SYT15B: variants seen among roughly 807,000 people sequenced by gnomAD.
SYT15B encodes synaptotagmin-15.
chr10:47,748,596 TTTC>T, the SYT15B span, among the ~76,000 whole-genome samples: 2 of 152,158 alleles, frequency 1.3e-5, no homozygotes, highest in African/African-American at 2.4e-5. Context: ...GAGGGACACA[TTTC>T]TTCTTTTCTT....
At chr10:47,755,006 G>C in the SYT15B span, among the ~76,000 whole-genome samples, 1 of 131,540 alleles carries the variant, frequency 7.6e-6, no homozygotes. Flanking sequence ...GGACAGGCTG[G>C]AGTGCAGTTG....
At chr10:47,755,356 T>C in the SYT15B span, among the ~76,000 whole-genome samples, 1 of 152,186 alleles carries the variant, frequency 6.6e-6, no homozygotes, top group East Asian at 1.9e-4. Flanking sequence ...CCCAGGCTCA[T>C]GCCATTCTCC....
the SYT15B span, among the ~76,000 whole-genome samples, chr10:47,755,494 A>G: frequency 6.7e-6 from 1 of 148,600 alleles, no homozygotes; most frequent in East Asian, 2.0e-4. Context: ...TGACCTCGTG[A>G]TCTGCCTACC....
the SYT15B span, among the ~76,000 whole-genome samples, chr10:47,746,422 A>G: frequency 1.6e-5 from 1 of 64,268 alleles, no homozygotes; most frequent in Admixed American, 1.7e-4. Context: ...CCTGGGAGGC[A>G]GAGGTTGCGG....
chr10:47,748,905 AT>A, the SYT15B span, among the ~76,000 whole-genome samples: 1 of 139,928 alleles, frequency 7.1e-6, no homozygotes, highest in African/African-American at 2.7e-5. Flanking sequence ...TATTCACAAA[AT>A]ATACTTAAAA....
chr10:47,750,025 TAACAC>T, the SYT15B span, among the ~76,000 whole-genome samples: 1 of 152,018 alleles, frequency 6.6e-6, no homozygotes, highest in African/African-American at 2.4e-5. Flanking sequence ...ATGAGCCTAA[TAACAC>T]AACCTCTAAA....
chr10:47,746,733 C>G, the SYT15B span, among the ~76,000 whole-genome samples: 1 of 132,368 alleles, frequency 7.6e-6, no homozygotes, highest in Non-Finnish European at 1.6e-5. Flanking sequence ...AGCCAACCCA[C>G]AGATGTGTTA....
chr10:47,745,706 A>G, the SYT15B span, among the ~76,000 whole-genome samples: 1 of 137,532 alleles, frequency 7.3e-6, no homozygotes, highest in Admixed American at 7.6e-5. Flanking sequence ...AAATTCCTGA[A>G]GATCCCAGCT....
the SYT15B span, among the ~76,000 whole-genome samples, chr10:47,756,756 C>T: frequency 6.6e-6 from 1 of 152,028 alleles, no homozygotes. Context: ...TGAACCAAGG[C>T]CTCCCCTTCT....
chr10:47,762,992 G>C, the SYT15B span: 1 of 1,221,476 alleles, frequency 8.2e-7, no homozygotes, highest in Non-Finnish European at 1.0e-6. Flanking sequence ...TGCGGTGAGA[G>C]TACCACCCCC....
the SYT15B span, chr10:47,751,292 T>C: frequency 5.1e-5 from 6 of 117,456 alleles, no homozygotes; most frequent in African/African-American, 1.9e-4. Flanking sequence ...GTGTGTGGAT[T>C]CCTTAGGATT....
chr10:47,755,285 T>G, the SYT15B span, among the ~76,000 whole-genome samples: 2 of 149,954 alleles, frequency 1.3e-5, no homozygotes, highest in East Asian at 4.0e-4. Flanking sequence ...AGACGAAGTC[T>G]CGCTCTGTTG....
At chr10:47,756,860 GAAC>G in the SYT15B span, among the ~76,000 whole-genome samples, 2 of 144,040 alleles carry the variant, frequency 1.4e-5, no homozygotes, top group African/African-American at 5.2e-5. Flanking sequence ...CACCCTGGAG[GAAC>G]TGGACCCATG....
the SYT15B span, among the ~76,000 whole-genome samples, chr10:47,746,977 T>C: frequency 1.6e-5 from 2 of 127,030 alleles, no homozygotes; most frequent in Non-Finnish European, 3.3e-5. Flanking sequence ...CCAACACTCA[T>C]TCCAAGAACA....
chr10:47,748,869 GAA>G, the SYT15B span, among the ~76,000 whole-genome samples: 1 of 144,936 alleles, frequency 6.9e-6, no homozygotes, highest in African/African-American at 2.6e-5. Flanking sequence ...GTTCCTCAAA[GAA>G]AAAAGTGTCA....
the SYT15B span, among the ~76,000 whole-genome samples, chr10:47,755,078 T>A: frequency 2.0e-5 from 3 of 148,808 alleles, no homozygotes; most frequent in Non-Finnish European, 3.0e-5. Flanking sequence ...TGCTTCAGCC[T>A]CCCGAGTAGT....
At chr10:47,753,105 T>A in the SYT15B span, 1 of 976,404 alleles carries the variant, frequency 1.0e-6, no homozygotes, top group Non-Finnish European at 1.2e-6. Flanking sequence ...GGAAACTCTG[T>A]CTCAAAAAAT....
chr10:47,755,116 C>T, the SYT15B span, among the ~76,000 whole-genome samples: 1 of 151,056 alleles, frequency 6.6e-6, no homozygotes, highest in African/African-American at 2.5e-5. Flanking sequence ...ACCACCACGC[C>T]TAGCTAACTT....
At chr10:47,755,551 G>T in the SYT15B span, among the ~76,000 whole-genome samples, 1 of 132,436 alleles carries the variant, frequency 7.6e-6, no homozygotes, top group Non-Finnish European at 1.6e-5. Context: ...CACCGTGCCC[G>T]GCCCTTTTTT....
Sources: gnomAD v4.1 joint callset for allele counts (sites outside exome capture counted in the v4.1 genomes callset) on GRCh38, gnomAD v4.1.1 for gene constraint, MANE v1.5 for transcripts, NCBI Gene and HGNC (gene_info 2026-07-23, HGNC 2026-07-21) for gene names.